TPD52: variants seen among roughly 807,000 people sequenced by gnomAD.
TPD52 encodes the protein prostate and colon associated protein.
Under a neutral mutation model 31.3 loss-of-function variants are expected in TPD52, and 17 were observed. The observed-to-expected ratio is 0.54, with a 90% CI of 0.37 to 0.82. The LOEUF (loss-of-function observed/expected upper bound fraction) is 0.82, where lower values mean the gene tolerates loss of function less well. TPD52 is among the 40% of genes least tolerant of loss of function. TPD52 has a pLI of 0.00. For missense variants in TPD52, 212 were observed against 240.1 expected (o/e 0.88, Z 0.77); for synonymous variants, 83 against 89.6 (o/e 0.93, Z 0.42).
intron 1 of TPD52, among the ~76,000 whole-genome samples, chr8:80,117,954 G>A (rs559103855): frequency 5.9e-5 from 9 of 151,792 alleles, no homozygotes; most frequent in South Asian, 4.2e-4. Context: ...GGATGGTCTC[G>A]ATCTCCTGAC....
chr8:80,122,471 A>C (rs192693303), intron 1 of TPD52, among the ~76,000 whole-genome samples: 17 of 152,320 alleles, frequency 1.1e-4, no homozygotes, highest in African/African-American at 4.1e-4. Flanking sequence ...CAGCTCATTA[A>C]AGCTCATGCA....
intron 1 of TPD52, among the ~76,000 whole-genome samples, chr8:80,150,930 G>A (rs1332169951): frequency 2.0e-5 from 3 of 152,178 alleles, no homozygotes; most frequent in African/African-American, 7.2e-5. Flanking sequence ...TATTGGCTTT[G>A]CAATGTGAGG....
intron 1 of TPD52, among the ~76,000 whole-genome samples, chr8:80,154,793 T>C (rs964420125): frequency 6.7e-6 from 1 of 148,888 alleles, no homozygotes; most frequent in African/African-American, 2.5e-5. Context: ...TGAAATTAAC[T>C]AATAAATAAA....
intron 1 of TPD52, among the ~76,000 whole-genome samples, chr8:80,161,732 A>ATTTT (rs869141433): frequency 0.03 from 2,144 of 72,454 alleles, 91 homozygotes; most frequent in African/African-American, 0.08. Context: ...ATATATATAT[A>ATTTT]TTTTTTTTTT....
chr8:80,104,565 A>T (rs1471948372), intron 1 of TPD52, among the ~76,000 whole-genome samples: 14 of 141,056 alleles, frequency 9.9e-5, no homozygotes, highest in African/African-American at 2.6e-4. Flanking sequence ...ATCTCTATTT[A>T]AAAAAAAAAA....
chr8:80,146,880 A>C (rs1810233241), intron 1 of TPD52, among the ~76,000 whole-genome samples: 1 of 152,214 alleles, frequency 6.6e-6, no homozygotes, highest in Non-Finnish European at 1.5e-5. Context: ...GGCACACACA[A>C]AAAAATCCCA....
At chr8:80,080,289 C>T in intron 1 of TPD52, 1 of 1,609,476 alleles carries the variant, frequency 6.2e-7, no homozygotes, top group Non-Finnish European at 8.5e-7. Flanking sequence ...TCCAAGCAAA[C>T]TTAACTTTAC....
chr8:80,150,929 T>C (rs1233248176), intron 1 of TPD52, among the ~76,000 whole-genome samples: 1 of 152,182 alleles, frequency 6.6e-6, no homozygotes, highest in African/African-American at 2.4e-5. Flanking sequence ...TTATTGGCTT[T>C]GCAATGTGAG....
intron 1 of TPD52, 115 bp from the exon 2 acceptor site, chr8:80,064,708 A>C: frequency 2.6e-6 from 2 of 756,542 alleles, no homozygotes; most frequent in Non-Finnish European, 4.7e-6. Context: ...CACACATCTC[A>C]TCTCTGGATA....
intron 1 of TPD52, among the ~76,000 whole-genome samples, chr8:80,086,649 A>G (rs1815801241): frequency 6.6e-6 from 1 of 151,916 alleles, no homozygotes; most frequent in Non-Finnish European, 1.5e-5. Context: ...CAAGGCAGGC[A>G]GATCACCTGA....
Position 80,113,648 on chromosome 8 carries a change from G to A in TPD52, c.20-49055C>T, listed in dbSNP as rs1807660547. On this transcript the variant is annotated intron_variant, in intron 1 of 7. Transcript: ENST00000518937. ...TCACAGCAATATGGATGAGCCTGGA[G>A]GACATTATGATAAGCAAAACAAGTC... is the stretch of plus-strand genomic sequence containing the variant. Among the ~76,000 whole-genome samples the A allele has an allele frequency of 4.6e-5, 7 of 152,116 alleles. No homozygotes were observed. The South Asian group carries it at 1.4e-3, about 31-fold the overall frequency.
chr8:80,075,868 A>G (rs1814475369), intron 1 of TPD52, among the ~76,000 whole-genome samples: 1 of 152,250 alleles, frequency 6.6e-6, no homozygotes. Context: ...TGATGCAATC[A>G]TGAAAAACTT....
intron 1 of TPD52, among the ~76,000 whole-genome samples, chr8:80,115,634 A>G (rs947904860): frequency 2.0e-5 from 3 of 152,208 alleles, no homozygotes; most frequent in Admixed American, 6.5e-5. Context: ...CTCCTGGAAG[A>G]CTGCTGTATC....
At chr8:80,129,728 G>A (rs1808889813) in intron 1 of TPD52, among the ~76,000 whole-genome samples, 1 of 124,718 alleles carries the variant, frequency 8.0e-6, no homozygotes, top group Non-Finnish European at 1.6e-5. Context: ...TTTTGAGACG[G>A]AGTCTCCATC....
Position 80,044,213 on chromosome 8 carries a change from G to C in TPD52, c.414-5C>G, listed in dbSNP as rs1223926678. On this transcript the variant is annotated splice_region_variant and splice_polypyrimidine_tract_variant and intron_variant, in intron 5 of 7. Coordinates refer to ENST00000518937, the MANE Select transcript of TPD52 (RefSeq NM_001025253.3). ...GAATGCTGAATGGAACGTATACTAA[G>C]AGGCAGCATTAAAAAGAGATAGAAA... 6 of 1,575,898 alleles carry C rather than the reference G, an allele frequency of 3.8e-6. No homozygotes were observed. The African/African-American group carries it at 5.5e-5, about 15-fold the overall frequency.
chr8:80,086,890 A>G (rs1163787209), intron 1 of TPD52, among the ~76,000 whole-genome samples: 1 of 150,608 alleles, frequency 6.6e-6, no homozygotes, highest in East Asian at 1.9e-4. Context: ...AAAAAAAAAA[A>G]AAAAAAAAAA....
intron 2 of TPD52, 47 bp downstream of exon 2, chr8:80,064,431 T>C (rs757348857): frequency 5.7e-6 from 8 of 1,400,260 alleles, no homozygotes; most frequent in African/African-American, 1.4e-5. Context: ...CAAATGACAG[T>C]ACATTTTAAG....
intron 1 of TPD52, chr8:80,123,085 G>A (rs1159660187): frequency 6.6e-6 from 1 of 152,522 alleles, no homozygotes; most frequent in Admixed American, 6.5e-5. Context: ...GCTGACTTGA[G>A]ACAAGGACAG....
chr8:80,072,406 T>G lies in TPD52; in HGVS notation c.20-7813A>C, dbSNP rs1262508250. Among the ~76,000 whole-genome samples the G allele has an allele frequency of 1.2e-4, 17 of 144,554 alleles. 1 individual carries two copies. The highest frequency in any genetic ancestry group is 3.9e-4 in the African/African-American group (15 of 38,058). 94.8% of individuals were successfully genotyped at this position (144,554 alleles called of 152,430 possible). A position where few individuals can be genotyped will look rare whatever the true frequency, so the allele number is the denominator to read the frequency against. On this transcript the variant is annotated intron_variant, in intron 1 of 7. Transcript: ENST00000518937. ...GTGTATATACATGTACACATAGATA[T>G]GCGTGTATATACATGTACACATAGA...
Sources: allele counts gnomAD v4.1 joint callset (sites outside exome capture counted in the v4.1 genomes callset), GRCh38; gene constraint gnomAD v4.1.1; transcripts MANE v1.5; gene names NCBI Gene and HGNC (gene_info 2026-07-23, HGNC 2026-07-21).